RAPGEF2: variants seen among roughly 807,000 people sequenced by gnomAD.
RAPGEF2 encodes Rap guanine nucleotide exchange factor 2, also known as PDZ domain containing guanine nucleotide exchange factor (GEF) 1.
A neutral mutation model predicts 186.7 loss-of-function variants in RAPGEF2; 54 were observed. The ratio of observed to expected loss-of-function variants is 0.29; its 90% CI spans 0.23 to 0.36. The LOEUF (loss-of-function observed/expected upper bound fraction) is 0.36. Ranked by LOEUF, RAPGEF2 falls within the 10% of genes least tolerant of loss-of-function variation. The pLI is 1.00. For synonymous variants in RAPGEF2, 712 were observed against 705.9 expected (o/e 1.01, Z -0.14); for missense variants, 1,532 against 2,045.0 (o/e 0.75, Z 4.84).
chr4:159,193,284 T>G (rs78947488), intron 3 of RAPGEF2, 28 bp downstream of exon 3: 2 of 1,413,664 alleles, frequency 1.4e-6, no homozygotes, highest in Admixed American at 2.4e-5. Context: ...GTTTGTACAA[T>G]GTATCTAATC....
intron 6 of RAPGEF2, among the ~76,000 whole-genome samples, chr4:159,241,861 AT>A (rs1262796831): frequency 6.6e-6 from 1 of 152,024 alleles, no homozygotes; most frequent in African/African-American, 2.4e-5. Context: ...AAATTACATT[AT>A]TTTTCATAGC....
intron 1 of RAPGEF2, among the ~76,000 whole-genome samples, chr4:159,138,726 A>G (rs1741999915): frequency 6.6e-6 from 1 of 152,244 alleles, no homozygotes; most frequent in Non-Finnish European, 1.5e-5. Context: ...GGTGATTGAA[A>G]GAATTAGGAA....
In RAPGEF2 at chr4:159,331,878, GT is replaced by G. The variant is rs371949915; in HGVS notation, c.1780-38del. 233 of 1,406,022 alleles carry G rather than the reference GT, an allele frequency of 1.7e-4. 1 individual carries two copies. The highest frequency in any genetic ancestry group is 7.2e-4 in the South Asian group (53 of 73,106). 87.1% of individuals were successfully genotyped at this position (1,406,022 alleles called of 1,614,324 possible). A position where few individuals can be genotyped will look rare whatever the true frequency, so the allele number is the denominator to read the frequency against. On this transcript the variant is annotated intron_variant, in intron 15 of 29. Transcript: ENST00000691494. ...ATTTAAGGGTGAATTTTGGTGTCTG[GT>G]TTTTTTTTTCAGTCAATTTTGATAC...
In RAPGEF2 at chr4:159,119,382, C is replaced by T. The variant is rs1468317517; in HGVS notation, c.69+15151C>T. ...AAAGCCCTCTCTAGATACTTATTGG[C>T]TAAGGCTGTGTCACATGGCTACTCT... On this transcript the variant is annotated intron_variant, in intron 1 of 29. Transcript: ENST00000691494. Among the ~76,000 whole-genome samples, 3 of 152,070 alleles carry T rather than the reference C, an allele frequency of 2.0e-5. No individual in the cohort carries two copies. The East Asian group carries it at 5.8e-4, about 29-fold the overall frequency.
Position 159,358,234 on chromosome 4 carries a change from A to G in RAPGEF2, c.*95A>G. ...GAGCCTTGGAACTCACATTCTGAGG[A>G]CGGTGGACCAGTTTGCCTCCTTCCC... On this transcript the variant is annotated 3_prime_UTR_variant, in exon 30 of 30. Transcript: ENST00000691494. 7.5e-7 allele frequency: 1 copy of G among 1,333,072 alleles called. No homozygotes were observed. Among genetic ancestry groups the G allele is most frequent in the South Asian group, 1.3e-5 (1 of 75,406 alleles). The allele number at this position is 1,333,072 out of a possible 1,614,324, so 82.6% of individuals were successfully genotyped here. A position where few individuals can be genotyped will look rare whatever the true frequency, so the allele number is the denominator to read the frequency against.
chr4:159,343,491 GTATT>G (rs1480894189), intron 22 of RAPGEF2, 87 bp downstream of exon 22: 4 of 1,536,488 alleles, frequency 2.6e-6, no homozygotes, highest in African/African-American at 1.4e-5. Context: ...TAAAGTTTGA[GTATT>G]TATATTTGTA....
chr4:159,341,224 CT>C (rs1274152455), intron 19 of RAPGEF2, among the ~76,000 whole-genome samples: 1 of 152,168 alleles, frequency 6.6e-6, no homozygotes, highest in African/African-American at 2.4e-5. Flanking sequence ...GCCTTAGGGC[CT>C]AGTCCCTTTT....
rs2111367435 is a variant in RAPGEF2 at position 159,358,894 on chromosome 4, G to A, written c.*755G>A. ...CTCACCCGCGAAGTGCCCTATCCTG[G>A]AAGTATGAAATGTTAGCCAATTAAT... On this transcript the variant is annotated 3_prime_UTR_variant, in exon 30 of 30. Transcript: ENST00000691494. 6.6e-6 allele frequency: 1 copy of A among 152,282 alleles called. No individual in the cohort carries two copies. The highest frequency in any genetic ancestry group is 1.5e-5 in the Non-Finnish European group (1 of 68,028). 9.4% of individuals were successfully genotyped at this position (152,282 alleles called of 1,614,324 possible).
chr4:159,103,366 C>T lies in RAPGEF2; in HGVS notation c.-797C>T, dbSNP rs1354127817. ...CGCGGCGGCGCCGGCGCCGGGGCAGCTCCGCTCCGGGCGCGCTGATGGGGG... is the reference window on the plus strand; with the variant it reads ...CGCGGCGGCGCCGGCGCCGGGGCAGTTCCGCTCCGGGCGCGCTGATGGGGG... On this transcript the variant is annotated 5_prime_UTR_variant, in exon 1 of 30. Transcript: ENST00000691494. The T allele has an allele frequency of 6.6e-6, 1 of 152,068 alleles. No homozygotes were observed. Among genetic ancestry groups the T allele is most frequent in the Non-Finnish European group, 1.5e-5 (1 of 68,156 alleles). 9.4% of individuals were successfully genotyped at this position (152,068 alleles called of 1,614,324 possible).
chr4:159,294,839 C>A (rs138774373), intron 7 of RAPGEF2, among the ~76,000 whole-genome samples: 2,364 of 152,192 alleles, frequency 0.016, 33 homozygotes, highest in Non-Finnish European at 0.026. Flanking sequence ...CTGGGAGGTG[C>A]ATGCCACCAC....
chr4:159,254,532 T>C (rs1469568427), intron 7 of RAPGEF2, among the ~76,000 whole-genome samples: 3 of 151,808 alleles, frequency 2.0e-5, no homozygotes, highest in Non-Finnish European at 4.4e-5. Flanking sequence ...GGGAAGGAGA[T>C]ATTCAGGAAT....
intron 2 of RAPGEF2, among the ~76,000 whole-genome samples, chr4:159,190,400 G>T (rs1019226127): frequency 3.3e-5 from 5 of 152,258 alleles, no homozygotes; most frequent in African/African-American, 1.2e-4. Context: ...GATAATGATA[G>T]CTCATGCTAG....
intron 3 of RAPGEF2, among the ~76,000 whole-genome samples, chr4:159,197,543 G>C (rs897667694): frequency 1.1e-4 from 17 of 152,178 alleles, no homozygotes; most frequent in Non-Finnish European, 2.4e-4. Flanking sequence ...CACTTTGTAA[G>C]GGGTTTCTCT....
At chr4:159,322,763 A>T (rs184422458) in intron 10 of RAPGEF2, among the ~76,000 whole-genome samples, 156 of 152,292 alleles carry the variant, frequency 1.0e-3, no homozygotes, top group South Asian at 9.7e-3. Flanking sequence ...GGTGAAAGGC[A>T]CTTCTTACAT....
At chr4:159,141,542 A>G (rs1043413513) in intron 1 of RAPGEF2, among the ~76,000 whole-genome samples, 11 of 152,052 alleles carry the variant, frequency 7.2e-5, no homozygotes, top group Non-Finnish European at 2.9e-5. Flanking sequence ...GTAGATGCAT[A>G]GCTTAGGTCC....
intron 4 of RAPGEF2, among the ~76,000 whole-genome samples, chr4:159,237,211 G>C (rs913178269): frequency 6.6e-6 from 1 of 152,118 alleles, no homozygotes; most frequent in South Asian, 2.1e-4. Context: ...AGTAGAGACG[G>C]GGTTTCACCA....
chr4:159,224,416 T>A (rs542289372), intron 4 of RAPGEF2, among the ~76,000 whole-genome samples: 29 of 152,222 alleles, frequency 1.9e-4, no homozygotes, highest in Non-Finnish European at 2.9e-4. Context: ...GGACAGTATA[T>A]AGAAAAGACT....
chr4:159,138,313 A>C (rs907386686), intron 1 of RAPGEF2, among the ~76,000 whole-genome samples: 1 of 152,200 alleles, frequency 6.6e-6, no homozygotes, highest in Non-Finnish European at 1.5e-5. Flanking sequence ...TTCCTTTTTG[A>C]TAGAAAGTAG....
Position 159,290,703 on chromosome 4 carries a change from G to A in RAPGEF2, c.544-13639G>A, listed in dbSNP as rs114440999. Among the ~76,000 whole-genome samples the A allele has an allele frequency of 2.4e-3, 360 of 151,830 alleles. 1 individual carries two copies. Among genetic ancestry groups the A allele is most frequent in the African/African-American group, 8.4e-3 (348 of 41,388 alleles). ...CTCTTTTAGGTAATGTGTGCTTGAC[G>A]ATGTCATAGTCATTCAGACTATTCA... is the stretch of plus-strand genomic sequence containing the variant. On this transcript the variant is annotated intron_variant, in intron 7 of 29. Transcript: ENST00000691494.
Sources: allele counts gnomAD v4.1 joint callset (sites outside exome capture counted in the v4.1 genomes callset), GRCh38; gene constraint gnomAD v4.1.1; transcripts MANE v1.5; gene names NCBI Gene and HGNC (gene_info 2026-07-23, HGNC 2026-07-21).